HOPX: variants seen among roughly 807,000 people sequenced by gnomAD.
The protein encoded by HOPX is HOP homeobox, also known as homeodomain-only protein.
Under a neutral mutation model 11.8 loss-of-function variants are expected in HOPX, and 5 were observed. That is an observed-to-expected ratio of 0.43 (90% CI 0.22 to 0.89). HOPX has a LOEUF of 0.89. Among genes scored for constraint, HOPX ranks in the 40% least tolerant of loss-of-function variants. The probability of loss-of-function intolerance (pLI) is 0.28; values close to 1 mark genes in which losing one functional copy is unlikely to be tolerated. For missense variants in HOPX, 119 were observed against 120.0 expected, an observed-to-expected ratio of 0.99 and a Z score of 0.04; for synonymous variants, 49 against 49.7, an observed-to-expected ratio of 0.99 and a Z score of 0.06.
chr4:56,658,969 A>G (rs190053691), intron 1 of HOPX, among the ~76,000 whole-genome samples: 4 of 152,384 alleles, frequency 2.6e-5, no homozygotes, highest in Admixed American at 6.5e-5. Context: ...GGTCAACCCA[A>G]TGGTTCTACT....
At chr4:56,652,725 TAGA>T (rs1560361424) in intron 3 of HOPX, among the ~76,000 whole-genome samples, 1 of 151,726 alleles carries the variant, frequency 6.6e-6, no homozygotes, top group Non-Finnish European at 1.5e-5. Context: ...GAGGCTGAGG[TAGA>T]AGGATTGCCT....
At chr4:56,681,217 T>C (rs1386210446) in intron 1 of HOPX, 38 bp downstream of exon 1, 3 of 982,772 alleles carry the variant, frequency 3.1e-6, no homozygotes, top group East Asian at 1.1e-4. Flanking sequence ...ACAAACTCAT[T>C]CCTCTGCATA....
At chr4:56,666,876 G>A (rs945216795) in intron 1 of HOPX, among the ~76,000 whole-genome samples, 10 of 151,650 alleles carry the variant, frequency 6.6e-5, no homozygotes, top group Non-Finnish European at 1.2e-4. Flanking sequence ...ACCCACTAAA[G>A]GTTTCATAGA....
In HOPX at chr4:56,655,971, T is replaced by C. The variant is rs1008841272; in HGVS notation, c.84A>G (p.Thr28=). ...TMSAETASGP[T]EDQVEILEYN... is the part of the protein sequence containing the mutation. ...ACTCCAGGATTTCCACCTGGTCCTC[T>C]GTGGGGCCGCTCGCGGTCTCCGCCG... The change falls in exon 3 of 4, where the codon ACA becomes ACG. Residue 28 remains threonine (T), a synonymous_variant. Transcript: ENST00000420433. 14 of 1,608,618 alleles carry C rather than the reference T, an allele frequency of 8.7e-6. No homozygotes were observed. Among genetic ancestry groups the C allele is most frequent in the Non-Finnish European group, 1.0e-5 (12 of 1,177,864 alleles).
intron 3 of HOPX, among the ~76,000 whole-genome samples, chr4:56,655,513 G>GC (rs1235742423): frequency 1.3e-5 from 2 of 152,232 alleles, no homozygotes; most frequent in Non-Finnish European, 2.9e-5. Flanking sequence ...ACAGGGACAG[G>GC]CGAGAGACGC....
rs140568864 is a variant in HOPX, at chr4:56,661,612, T to C, written c.-83-3713A>G. Among the ~76,000 whole-genome samples, 395 of 152,360 alleles carry C rather than the reference T, an allele frequency of 2.6e-3. 2 individuals carry two copies. The highest frequency in any genetic ancestry group is 4.1e-3 in the Non-Finnish European group (281 of 68,032). ...CTTTGCTCCAAATCCTCATCAACACTTGTACGGTCAAACCTAATTTTTGCC... is the reference window on the plus strand; with the variant it reads ...CTTTGCTCCAAATCCTCATCAACACCTGTACGGTCAAACCTAATTTTTGCC... On this transcript the variant is annotated intron_variant, in intron 1 of 3. Transcript: ENST00000420433.
At chr4:56,659,030 A>C (rs1717949714) in intron 1 of HOPX, 3 of 152,188 alleles carry the variant, frequency 2.0e-5, no homozygotes. Flanking sequence ...TACTTTTATA[A>C]ACTAGCTCAC....
rs1194875409 is a variant in HOPX, at chr4:56,648,788, T to TA, written c.207dup (p.Lys70Ter). 1 of 1,608,340 alleles carries TA rather than the reference T, an allele frequency of 6.2e-7. No individual in the cohort carries two copies. Among genetic ancestry groups the TA allele is most frequent in the Non-Finnish European group, 8.5e-7 (1 of 1,175,372 alleles). On this transcript the variant is annotated frameshift_variant, in exon 4 of 4. Coordinates refer to ENST00000420433, the MANE Select transcript of HOPX (RefSeq NM_032495.6). LOFTEE classifies it high-confidence loss of function. ...CGCCGCCACTTTGCCAGGCGCTGCT[T>TA]AAACCATTTCTGGAAGAGAGAAATG...
intron 1 of HOPX, among the ~76,000 whole-genome samples, chr4:56,676,072 A>T (rs7441960): frequency 4.0e-5 from 6 of 151,298 alleles, no homozygotes; most frequent in Admixed American, 6.6e-5. Flanking sequence ...CAAGGTGGAC[A>T]GATCGTTTGA....
chr4:56,669,449 A>G (rs981644162), intron 1 of HOPX, among the ~76,000 whole-genome samples: 12 of 152,206 alleles, frequency 7.9e-5, no homozygotes, highest in Admixed American at 6.5e-5. Flanking sequence ...ACCTGAGGTC[A>G]GGAGTTCAAG....
chr4:56,673,963 C>G (rs554103586), intron 1 of HOPX, among the ~76,000 whole-genome samples: 1 of 151,622 alleles, frequency 6.6e-6, no homozygotes, highest in Non-Finnish European at 1.5e-5. Context: ...CCTCATCCTC[C>G]CAAAGTGCTG....
At chr4:56,669,763 C>T (rs963773462) in intron 1 of HOPX, among the ~76,000 whole-genome samples, 9 of 151,922 alleles carry the variant, frequency 5.9e-5, no homozygotes, top group African/African-American at 2.2e-4. Flanking sequence ...ATCGGGTCCC[C>T]TTATTATACA....
At chr4:56,671,362 T>C (rs1718725360) in intron 1 of HOPX, among the ~76,000 whole-genome samples, 1 of 152,056 alleles carries the variant, frequency 6.6e-6, no homozygotes, top group South Asian at 2.1e-4. Flanking sequence ...CTCAGGTTAG[T>C]TGTGTATTTT....
rs577919568 is a variant in HOPX at position 56,664,450 on chromosome 4, A to C, written c.-83-6551T>G. The stretch of plus-strand genomic sequence containing the variant: ...CATGCCCAGCCTGATATTACTATTA[A>C]ATAGCTATGAGCTAGGCTTTCCGTA... On this transcript the variant is annotated intron_variant, in intron 1 of 3. Transcript: ENST00000420433. The C allele has an allele frequency of 6.6e-5, 10 of 152,112 alleles. No homozygotes were observed. The East Asian group carries it at 1.4e-3, about 21-fold the overall frequency. The allele number at this position is 152,112 out of a possible 1,614,324, so 9.4% of individuals were successfully genotyped here.
At chr4:56,670,697 T>G (rs1718685079) in intron 1 of HOPX, among the ~76,000 whole-genome samples, 1 of 152,038 alleles carries the variant, frequency 6.6e-6, no homozygotes, top group Non-Finnish European at 1.5e-5. Flanking sequence ...GTTTGGTAGT[T>G]TAAAAAAATC....
At chr4:56,660,802 C>T (rs1174416935) in intron 1 of HOPX, among the ~76,000 whole-genome samples, 1 of 152,090 alleles carries the variant, frequency 6.6e-6, no homozygotes, top group Non-Finnish European at 1.5e-5. Flanking sequence ...ATTAAATAAA[C>T]ACTGGTGAAC....
intron 2 of HOPX, 131 bp from the exon 3 acceptor site, chr4:56,656,143 G>T: frequency 1.7e-6 from 2 of 1,180,942 alleles, no homozygotes; most frequent in East Asian, 3.5e-5. Flanking sequence ...CCACGGCCGC[G>T]CAAGTCCCCG....
At position 56,648,766 on chromosome 4, in the gene HOPX, C is replaced by CG; in HGVS notation, c.229dup (p.Arg77ProfsTer59). 1 of 1,610,122 alleles carries CG rather than the reference C, an allele frequency of 6.2e-7. No individual in the cohort carries two copies. The highest frequency in any genetic ancestry group is 8.5e-7 in the Non-Finnish European group (1 of 1,176,792). ...CTCTGAGGGCAGGCCTTCTGAGCGC[C>CG]GCCACTTTGCCAGGCGCTGCTTAAA... On this transcript the variant is annotated frameshift_variant, in exon 4 of 4. Transcript: ENST00000420433. LOFTEE classifies it high-confidence loss of function.
At chr4:56,661,927 C>T (rs1363790843) in intron 1 of HOPX, among the ~76,000 whole-genome samples, 4 of 152,060 alleles carry the variant, frequency 2.6e-5, no homozygotes, top group Non-Finnish European at 4.4e-5. Context: ...ATGCTAAAAA[C>T]GTTACCATTT....
Sources: allele counts gnomAD v4.1 joint callset (sites outside exome capture counted in the v4.1 genomes callset), GRCh38; gene constraint gnomAD v4.1.1; transcripts MANE v1.5; gene names NCBI Gene and HGNC (gene_info 2026-07-23, HGNC 2026-07-21).